MAP2: variants seen among roughly 807,000 people sequenced by gnomAD.
The protein encoded by MAP2 is microtubule-associated protein 2.
In MAP2, 14 loss-of-function variants were observed where a neutral mutation model predicts 137.6. That is an observed-to-expected ratio of 0.10 (90% CI 0.07 to 0.16). MAP2 has a LOEUF of 0.16. MAP2 is among the 10% of genes least tolerant of loss of function. The pLI, the probability that MAP2 is intolerant of heterozygous loss-of-function variation, is 1.00. For missense variants in MAP2, 2,088 were observed against 2,191.5 expected (o/e 0.95, Z 0.94); for synonymous variants, 786 against 782.3 (o/e 1.00, Z -0.08).
chr2:209,534,524 A>G (rs568809781), intron 2 of MAP2, among the ~76,000 whole-genome samples: 33 of 152,334 alleles, frequency 2.2e-4, no homozygotes, highest in African/African-American at 7.0e-4. Context: ...AAATTATTGT[A>G]CCAAGGTAGC....
intron 1 of MAP2, among the ~76,000 whole-genome samples, chr2:209,447,139 A>G (rs773531335): frequency 2.6e-5 from 4 of 152,016 alleles, no homozygotes; most frequent in Non-Finnish European, 4.4e-5. Context: ...GAAGTTCTAC[A>G]TGGACATGAA....
At chr2:209,587,275 A>G (rs1363151259) in intron 3 of MAP2, among the ~76,000 whole-genome samples, 1 of 152,160 alleles carries the variant, frequency 6.6e-6, no homozygotes, top group Non-Finnish European at 1.5e-5. Flanking sequence ...GAGTCTCCAC[A>G]TTCCATCCTC....
intron 5 of MAP2, among the ~76,000 whole-genome samples, chr2:209,655,229 A>G (rs10189166): frequency 0.069 from 10,450 of 152,300 alleles, 671 homozygotes; most frequent in African/African-American, 0.17. Flanking sequence ...ATGTGTATCA[A>G]ACACATTTGG....
chr2:209,441,047 A>G (rs912251050), intron 1 of MAP2, among the ~76,000 whole-genome samples: 7 of 151,580 alleles, frequency 4.6e-5, no homozygotes, highest in African/African-American at 9.7e-5. Flanking sequence ...TAAAATCATC[A>G]TTTATGGTCA....
At chr2:209,656,517 A>T (rs1045109650) in intron 5 of MAP2, among the ~76,000 whole-genome samples, 22 of 152,040 alleles carry the variant, frequency 1.4e-4, no homozygotes, top group East Asian at 3.9e-4. Context: ...CTCAAAAAAA[A>T]AATAATAATA....
intron 2 of MAP2, among the ~76,000 whole-genome samples, chr2:209,557,885 G>T (rs980200946): frequency 6.6e-6 from 1 of 152,166 alleles, no homozygotes; most frequent in Non-Finnish European, 1.5e-5. Flanking sequence ...AAAACTCATC[G>T]CAGAGCTGAG....
At chr2:209,505,645 G>A (rs1466808387) in intron 1 of MAP2, among the ~76,000 whole-genome samples, 1 of 148,956 alleles carries the variant, frequency 6.7e-6, no homozygotes, top group Admixed American at 6.6e-5. Context: ...ATACTGCTGT[G>A]GGTTTTTTGT....
intron 4 of MAP2, among the ~76,000 whole-genome samples, chr2:209,626,759 G>T (rs572864073): frequency 1.3e-5 from 2 of 152,244 alleles, no homozygotes; most frequent in African/African-American, 2.4e-5. Context: ...TCATATCGAG[G>T]CATGAAGATC....
At chr2:209,540,072 G>GACTGGGT (rs902101010) in intron 2 of MAP2, among the ~76,000 whole-genome samples, 1 of 123,218 alleles carries the variant, frequency 8.1e-6, no homozygotes, top group Admixed American at 1.0e-4. Flanking sequence ...GTACACTCGA[G>GACTGGGT]ACTGGGTGAC....
intron 1 of MAP2, among the ~76,000 whole-genome samples, chr2:209,438,956 C>T (rs11890084): frequency 0.01 from 1,514 of 151,108 alleles, 21 homozygotes; most frequent in African/African-American, 0.035. Flanking sequence ...TGGAAAAATC[C>T]ATACCAACTC....
intron 3 of MAP2, among the ~76,000 whole-genome samples, chr2:209,585,408 AATCCACATTTTG>A (rs2077456098): frequency 6.6e-6 from 1 of 152,186 alleles, no homozygotes; most frequent in South Asian, 2.1e-4. Flanking sequence ...AAAAACAATA[AATCCACATTTTG>A]TAAAATTTGT....
chr2:209,716,525 G>A (rs896205573), intron 13 of MAP2, among the ~76,000 whole-genome samples: 28 of 152,146 alleles, frequency 1.8e-4, no homozygotes, highest in African/African-American at 6.5e-4. Context: ...AACATTTTGA[G>A]ATTTTTTGTG....
chr2:209,695,598 A>T lies in MAP2; in HGVS notation c.3428A>T (p.Glu1143Val), dbSNP rs770469687. 1 of 1,613,984 alleles carries T rather than the reference A, an allele frequency of 6.2e-7. No homozygotes were observed. The highest frequency in any genetic ancestry group is 8.5e-7 in the Non-Finnish European group (1 of 1,179,920). The change falls in exon 8 of 16, where the codon GAG becomes GTG. Residue 1143 changes from glutamate (E) to valine (V), a missense_variant. Glu to Val is a moderately radical substitution (Grantham distance 121). Coordinates refer to ENST00000682079, the MANE Select transcript of MAP2 (RefSeq NM_001375505.1). ...GGTGAGCATGAAAGTCTCACCATGG[A>T]GTCCTTGAAAGCTGATGAGGGCAAG... ...SSGEHESLTM[E>V]SLKADEGKKE...
At chr2:209,716,362 T>C (rs1462257824) in intron 13 of MAP2, among the ~76,000 whole-genome samples, 1 of 152,236 alleles carries the variant, frequency 6.6e-6, no homozygotes, top group African/African-American at 2.4e-5. Context: ...CACCGTTGAA[T>C]GATTATGAAT....
At chr2:209,597,094 G>T (rs1395208719) in intron 3 of MAP2, among the ~76,000 whole-genome samples, 2 of 152,174 alleles carry the variant, frequency 1.3e-5, no homozygotes, top group East Asian at 3.9e-4. Context: ...AATGGAGTAA[G>T]TGTGCTCTTT....
chr2:209,498,232 C>T (rs1047593956), intron 1 of MAP2, among the ~76,000 whole-genome samples: 2 of 152,228 alleles, frequency 1.3e-5, no homozygotes, highest in Admixed American at 1.3e-4. Context: ...AACTTTAAAG[C>T]TCCAAAATAA....
chr2:209,613,279 ATTTT>A (rs2087683809), intron 3 of MAP2, among the ~76,000 whole-genome samples: 1 of 141,254 alleles, frequency 7.1e-6, no homozygotes, highest in African/African-American at 3.0e-5. Context: ...TTATTTATTT[ATTTT>A]AATCTGTTTT....
intron 2 of MAP2, among the ~76,000 whole-genome samples, chr2:209,548,135 TC>T (rs1310002822): frequency 6.6e-6 from 1 of 152,182 alleles, no homozygotes; most frequent in Non-Finnish European, 1.5e-5. Flanking sequence ...TATTCAGCAT[TC>T]CACACTAAAT....
intron 4 of MAP2, among the ~76,000 whole-genome samples, chr2:209,628,328 A>C (rs1481507089): frequency 6.6e-6 from 1 of 152,138 alleles, no homozygotes; most frequent in Non-Finnish European, 1.5e-5. Flanking sequence ...TATTTTTCAC[A>C]CAAAAACCTT....
Sources: gnomAD v4.1 joint callset for allele counts (sites outside exome capture counted in the v4.1 genomes callset) on GRCh38, gnomAD v4.1.1 for gene constraint, MANE v1.5 for transcripts, NCBI Gene and HGNC (gene_info 2026-07-23, HGNC 2026-07-21) for gene names.